The following CNTNAP2 variants were observed in gnomAD, a reference collection of about 807,000 sequenced individuals.
The protein encoded by CNTNAP2 is contactin-associated protein-like 2.
Under a neutral mutation model 155.2 loss-of-function variants are expected in CNTNAP2, and 98 were observed. That is an observed-to-expected ratio of 0.63 (90% CI 0.54 to 0.75). The LOEUF is 0.75. Ranked by LOEUF, CNTNAP2 falls within the 30% of genes least tolerant of loss-of-function variation. CNTNAP2 has a pLI of 0.00. For synonymous variants in CNTNAP2, 651 were observed against 631.2 expected, an observed-to-expected ratio of 1.03 and a Z score of -0.47; for missense variants, 1,727 against 1,688.1, an observed-to-expected ratio of 1.02 and a Z score of -0.40.
chr7:146,536,658 G>A (rs937883618), intron 1 of CNTNAP2, among the ~76,000 whole-genome samples: 1 of 146,250 alleles, frequency 6.8e-6, no homozygotes, highest in African/African-American at 2.6e-5. Flanking sequence ...AATGCATCTA[G>A]AGCAGAAAAA....
chr7:148,292,824 T>A lies in CNTNAP2; in HGVS notation c.3475+25698T>A, dbSNP rs1484145080. Among the ~76,000 whole-genome samples, 7 of 152,230 alleles carry A rather than the reference T, an allele frequency of 4.6e-5. No homozygotes were observed. The South Asian group carries it at 1.2e-3, about 27-fold the overall frequency. ...CCCATCCATCCCCTCCACCCCAACA[T>A]CTGGTCTCAGCAACTTCCTCTGCCC... On this transcript the variant is annotated intron_variant, in intron 21 of 23. Coordinates refer to ENST00000361727, the MANE Select transcript of CNTNAP2 (RefSeq NM_014141.6).
At chr7:147,439,770 G>T (rs1420770017) in intron 10 of CNTNAP2, among the ~76,000 whole-genome samples, 1 of 151,786 alleles carries the variant, frequency 6.6e-6, no homozygotes, top group African/African-American at 2.4e-5. Flanking sequence ...TCCAATGTTG[G>T]GTGCATATAT....
intron 13 of CNTNAP2, among the ~76,000 whole-genome samples, chr7:147,715,722 T>C (rs910679963): frequency 3.3e-5 from 5 of 152,176 alleles, no homozygotes; most frequent in African/African-American, 1.2e-4. Context: ...TCAACTTTTC[T>C]TTTAATCATC....
At chr7:146,598,300 C>A (rs1306731355) in intron 1 of CNTNAP2, among the ~76,000 whole-genome samples, 2 of 152,040 alleles carry the variant, frequency 1.3e-5, no homozygotes, top group Non-Finnish European at 2.9e-5. Flanking sequence ...TAATAACATG[C>A]TGTTATTTTT....
chr7:146,983,194 C>A (rs764190536), intron 3 of CNTNAP2, among the ~76,000 whole-genome samples: 12 of 152,092 alleles, frequency 7.9e-5, no homozygotes, highest in Non-Finnish European at 1.6e-4. Flanking sequence ...CTAAAAATGG[C>A]TTTTAAAATT....
At chr7:148,326,355 G>T (rs776412597) in intron 21 of CNTNAP2, among the ~76,000 whole-genome samples, 1 of 152,002 alleles carries the variant, frequency 6.6e-6, no homozygotes, top group African/African-American at 2.4e-5. Flanking sequence ...CATTGTGTAT[G>T]GTTTCCATGA....
chr7:146,623,707 T>A (rs1388701169), intron 1 of CNTNAP2, among the ~76,000 whole-genome samples: 1 of 152,196 alleles, frequency 6.6e-6, no homozygotes, highest in Non-Finnish European at 1.5e-5. Context: ...CTGTTATTAA[T>A]GTTCATGGGC....
chr7:147,056,307 C>T (rs1166930193), intron 4 of CNTNAP2, among the ~76,000 whole-genome samples: 3 of 151,908 alleles, frequency 2.0e-5, no homozygotes, highest in Admixed American at 2.0e-4. Flanking sequence ...ATTTGTGTAT[C>T]ATAAATATAA....
At chr7:146,450,034 C>T (rs1320085732) in intron 1 of CNTNAP2, among the ~76,000 whole-genome samples, 2 of 152,186 alleles carry the variant, frequency 1.3e-5, no homozygotes, top group Non-Finnish European at 1.5e-5. Context: ...TATATCCTTA[C>T]ATTATTAAAT....
chr7:146,270,176 G>A (rs1042087644), intron 1 of CNTNAP2, among the ~76,000 whole-genome samples: 2 of 152,030 alleles, frequency 1.3e-5, no homozygotes, highest in African/African-American at 2.4e-5. Context: ...CATGTTGTTC[G>A]TCTGCCCCAC....
chr7:148,151,591 C>T (rs1805297298), intron 17 of CNTNAP2, among the ~76,000 whole-genome samples: 1 of 152,212 alleles, frequency 6.6e-6, no homozygotes, highest in Non-Finnish European at 1.5e-5. Context: ...CCACTATGCC[C>T]AGCAGGTCCA....
At chr7:147,718,566 T>C (rs909637780) in intron 13 of CNTNAP2, among the ~76,000 whole-genome samples, 5 of 152,156 alleles carry the variant, frequency 3.3e-5, no homozygotes, top group South Asian at 2.1e-4. Flanking sequence ...TCATTAGACA[T>C]AGCAAGTTCA....
intron 3 of CNTNAP2, among the ~76,000 whole-genome samples, chr7:146,907,222 C>G (rs1796153292): frequency 6.6e-6 from 1 of 151,206 alleles, no homozygotes; most frequent in Non-Finnish European, 1.5e-5. Flanking sequence ...TTGGAAAACA[C>G]TCTGCAGGAT....
At chr7:148,342,664 G>A (rs189090932) in intron 21 of CNTNAP2, among the ~76,000 whole-genome samples, 87 of 152,234 alleles carry the variant, frequency 5.7e-4, no homozygotes, top group African/African-American at 1.9e-3. Context: ...TCATCATTTG[G>A]ACAGGGACTG....
chr7:147,747,559 G>A (rs1301521294), intron 13 of CNTNAP2, among the ~76,000 whole-genome samples: 1 of 152,064 alleles, frequency 6.6e-6, no homozygotes, highest in Non-Finnish European at 1.5e-5. Flanking sequence ...AATAAACATG[G>A]GAGTACAGAT....
rs145163983 is a variant in CNTNAP2, at chr7:147,397,376, T to G, written c.1670+1596T>G. On this transcript the variant is annotated intron_variant, in intron 10 of 23. Coordinates refer to ENST00000361727, the MANE Select transcript of CNTNAP2 (RefSeq NM_014141.6). ...TTTAGATAATTATCTACATATTGTT[T>G]TGTACAGAAAAAAATATTTTCTTCA... Among the ~76,000 whole-genome samples the G allele has an allele frequency of 5.7e-3, 865 of 152,164 alleles. 10 individuals are homozygous for G. The highest frequency in any genetic ancestry group is 0.02 in the African/African-American group (813 of 41,552).
At chr7:148,167,908 C>T (rs1050269019) in intron 17 of CNTNAP2, among the ~76,000 whole-genome samples, 1 of 152,130 alleles carries the variant, frequency 6.6e-6, no homozygotes, top group African/African-American at 2.4e-5. Flanking sequence ...CTGAAATGAA[C>T]CCTGTATATA....
At position 146,487,506 on chromosome 7, in the gene CNTNAP2, C is replaced by A. The variant is rs547269855; in HGVS notation, c.98-286765C>A. Among the ~76,000 whole-genome samples, 12 of 152,288 alleles carry A rather than the reference C, an allele frequency of 7.9e-5. No homozygotes were observed. The East Asian group carries it at 2.1e-3, about 27-fold the overall frequency. ...CTGATCTACAACTTAATGCTAATAT[C>A]TTTAATTTCTTTAACAAACAGTTTA... On this transcript the variant is annotated intron_variant, in intron 1 of 23. Coordinates refer to ENST00000361727, the MANE Select transcript of CNTNAP2 (RefSeq NM_014141.6).
intron 13 of CNTNAP2, among the ~76,000 whole-genome samples, chr7:147,669,052 C>T (rs1048834569): frequency 1.3e-5 from 2 of 152,056 alleles, no homozygotes; most frequent in African/African-American, 4.8e-5. Flanking sequence ...CTAAGGTATC[C>T]AGTACAGCAA....
Sources: gnomAD v4.1 joint callset for allele counts (sites outside exome capture counted in the v4.1 genomes callset) on GRCh38, gnomAD v4.1.1 for gene constraint, MANE v1.5 for transcripts, NCBI Gene and HGNC (gene_info 2026-07-23, HGNC 2026-07-21) for gene names.